The following ARID1B variants were observed in gnomAD, a reference collection of about 807,000 sequenced individuals.
ARID1B encodes the protein AT-rich interaction domain 1B.
ARID1B carries 30 observed loss-of-function variants against 212.3 expected under a neutral mutation model. The ratio of observed to expected loss-of-function variants is 0.14; its 90% CI spans 0.11 to 0.19. The LOEUF (loss-of-function observed/expected upper bound fraction) is 0.19, where lower values mean the gene tolerates loss of function less well. Ranked by LOEUF, ARID1B falls within the 10% of genes least tolerant of loss-of-function variation. The pLI is 1.00. For missense variants in ARID1B, 2,891 were observed against 3,204.0 expected, an observed-to-expected ratio of 0.90 and a Z score of 2.36; for synonymous variants, 1,402 against 1,301.7, an observed-to-expected ratio of 1.08 and a Z score of -1.66.
At chr6:156,783,003 CT>C (rs947145220) in intron 1 of ARID1B, among the ~76,000 whole-genome samples, 8 of 151,402 alleles carry the variant, frequency 5.3e-5, no homozygotes, top group Admixed American at 2.6e-4. Flanking sequence ...GGTAGCCACT[CT>C]TTAAGACAGC....
intron 12 of ARID1B, among the ~76,000 whole-genome samples, chr6:157,183,567 G>A (rs965402970): frequency 2.2e-4 from 34 of 152,142 alleles, no homozygotes; most frequent in Admixed American, 1.8e-3. Context: ...GGATCTTGAC[G>A]TCACATTTCA....
At chr6:157,091,244 C>G (rs1583290998) in intron 5 of ARID1B, among the ~76,000 whole-genome samples, 1 of 152,204 alleles carries the variant, frequency 6.6e-6, no homozygotes, top group East Asian at 1.9e-4. Flanking sequence ...GAATCTGTGC[C>G]CCTCAGGAAA....
intron 2 of ARID1B, among the ~76,000 whole-genome samples, chr6:156,858,159 T>C (rs578118844): frequency 6.7e-6 from 1 of 149,784 alleles, no homozygotes; most frequent in South Asian, 2.1e-4. Context: ...CCCTCATAGA[T>C]GGGAGCTAAA....
chr6:157,029,899 G>C (rs1780918651), intron 4 of ARID1B, among the ~76,000 whole-genome samples: 1 of 152,210 alleles, frequency 6.6e-6, no homozygotes. Flanking sequence ...GGAGATGAAA[G>C]AAGCAATTGG....
At chr6:156,792,328 C>A (rs1467417444) in intron 1 of ARID1B, among the ~76,000 whole-genome samples, 2 of 152,136 alleles carry the variant, frequency 1.3e-5, no homozygotes, top group African/African-American at 4.8e-5. Context: ...CAAGGCCGGA[C>A]CCAGTGGTTC....
intron 4 of ARID1B, among the ~76,000 whole-genome samples, chr6:156,946,293 A>C (rs1562502788): frequency 6.6e-6 from 1 of 151,806 alleles, no homozygotes; most frequent in East Asian, 1.9e-4. Context: ...AATTGCTTGA[A>C]CCTGGGAGGT....
At position 157,058,154 on chromosome 6, in the gene ARID1B, C is replaced by T. The variant is rs1367518684; in HGVS notation, c.2248-26508C>T. 2.6e-5 allele frequency among the ~76,000 whole-genome samples: 4 copies of T among 152,214 alleles called. No individual in the cohort carries two copies. In the East Asian group the frequency reaches 7.7e-4, roughly 29 times the overall value. Reference sequence around the variant, plus strand: ...GGCTTGTCTGCTACCACCCTCACTTCACCTCCAGTAGGGCCACGAAGTTCA... The same window carrying T: ...GGCTTGTCTGCTACCACCCTCACTTTACCTCCAGTAGGGCCACGAAGTTCA... On this transcript the variant is annotated intron_variant, in intron 4 of 19. Coordinates refer to ENST00000636930, the MANE Select transcript of ARID1B (RefSeq NM_001374828.1).
In ARID1B at chr6:156,853,289, T is replaced by G. The variant is rs114956035; in HGVS notation, c.1986+23868T>G. On this transcript the variant is annotated intron_variant, in intron 2 of 19. Transcript: ENST00000636930. Reference sequence around the variant, plus strand: ...GAATTTGAAATATTTGGATATATTCTTTAAAACAATCTTATTGTGTGTTTT... The same window carrying G: ...GAATTTGAAATATTTGGATATATTCGTTAAAACAATCTTATTGTGTGTTTT... Among the ~76,000 whole-genome samples, 495 of 152,364 alleles carry G rather than the reference T, an allele frequency of 3.2e-3. 2 individuals are homozygous for G. The highest frequency in any genetic ancestry group is 0.011 in the African/African-American group (471 of 41,582).
chr6:156,820,162 T>C (rs937288190), intron 1 of ARID1B, among the ~76,000 whole-genome samples: 1 of 152,040 alleles, frequency 6.6e-6, no homozygotes, highest in African/African-American at 2.4e-5. Context: ...AAGCAGCATT[T>C]GGGAGACAGA....
rs1317752163 is a variant in ARID1B, at chr6:157,108,218, G to C, written c.2492-2254G>C. On this transcript the variant is annotated intron_variant, in intron 5 of 19. Coordinates refer to ENST00000636930, the MANE Select transcript of ARID1B (RefSeq NM_001374828.1). The stretch of plus-strand genomic sequence containing the variant: ...GTGAATATTCTCATTGCTTTAAAGA[G>C]ACATCTGTCTTAGAATTGTGCCACA... Among the ~76,000 whole-genome samples the C allele has an allele frequency of 2.0e-5, 3 of 152,228 alleles. No individual in the cohort carries two copies. In the East Asian group the frequency reaches 5.8e-4, roughly 29 times the overall value.
At chr6:157,197,373 A>G (rs1562342096) in intron 16 of ARID1B, among the ~76,000 whole-genome samples, 1 of 152,206 alleles carries the variant, frequency 6.6e-6, no homozygotes, top group Non-Finnish European at 1.5e-5. Context: ...TCATCAGCCC[A>G]CATGCTGGGG....
intron 3 of ARID1B, among the ~76,000 whole-genome samples, chr6:156,923,300 T>C (rs917163015): frequency 1.3e-5 from 2 of 152,150 alleles, no homozygotes; most frequent in Admixed American, 6.5e-5. Context: ...TAATCAACAG[T>C]CCTCGAAATT....
chr6:156,798,634 T>C (rs886242056), intron 1 of ARID1B, among the ~76,000 whole-genome samples: 1 of 152,254 alleles, frequency 6.6e-6, no homozygotes. Context: ...TTTTGTAATA[T>C]ATTGAACTAC....
intron 1 of ARID1B, among the ~76,000 whole-genome samples, chr6:156,810,807 G>T (rs909663240): frequency 1.3e-5 from 2 of 152,210 alleles, no homozygotes; most frequent in East Asian, 3.8e-4. Context: ...AGGGGCAAGA[G>T]TGAGGAAGAG....
At position 156,829,210 on chromosome 6, in the gene ARID1B, C is replaced by A; in HGVS notation, c.1792-17C>A. The A allele has an allele frequency of 6.3e-7, 1 of 1,589,940 alleles. No individual in the cohort carries two copies. The highest frequency in any genetic ancestry group is 8.6e-7 in the Non-Finnish European group (1 of 1,165,364). ...AAAGAATGAATTAATAAACCGACTT[C>A]TTTTATGTCTTCACAGGGCAGCCCA... On this transcript the variant is annotated splice_polypyrimidine_tract_variant and intron_variant, in intron 1 of 19. Coordinates refer to ENST00000636930, the MANE Select transcript of ARID1B (RefSeq NM_001374828.1).
chr6:156,910,494 G>T (rs574983481), intron 3 of ARID1B, among the ~76,000 whole-genome samples: 6 of 152,124 alleles, frequency 3.9e-5, no homozygotes, highest in African/African-American at 1.4e-4. Context: ...CCCTGTTCTC[G>T]AATAGTTGTC....
chr6:157,209,840 TA>T lies in ARID1B; in HGVS notation c.*1951del, dbSNP rs911113161. ...GTAGCTTTTTAATACTAGTCACTTC[TA>T]ATTTAAACTTTCTCTTCCTGGGTCA... On this transcript the variant is annotated 3_prime_UTR_variant, in exon 20 of 20. Coordinates refer to ENST00000636930, the MANE Select transcript of ARID1B (RefSeq NM_001374828.1). 4.3e-6 allele frequency: 1 copy of T among 233,176 alleles called. No individual in the cohort carries two copies. The highest frequency in any genetic ancestry group is 2.2e-5 in the African/African-American group (1 of 45,358). 14.4% of individuals were successfully genotyped at this position (233,176 alleles called of 1,614,324 possible).
rs146520023 is a variant in ARID1B, at chr6:157,144,154, G to T, written c.2762-4470G>T. Among the ~76,000 whole-genome samples the T allele has an allele frequency of 6.3e-3, 953 of 152,292 alleles. 11 individuals carry two copies. Among genetic ancestry groups the T allele is most frequent in the African/African-American group, 0.022 (913 of 41,562 alleles). On this transcript the variant is annotated intron_variant, in intron 7 of 19. Transcript: ENST00000636930. ...GGGTACAGAGTAACTTAACATCTCA[G>T]TAGTTTCTTTCCTTTGTGTTCATTA...
intron 5 of ARID1B, among the ~76,000 whole-genome samples, chr6:157,106,215 C>T (rs898484804): frequency 2.6e-5 from 4 of 151,960 alleles, no homozygotes; most frequent in Admixed American, 1.3e-4. Flanking sequence ...TCCAGGACAG[C>T]GTGAAAAAAA....
Sources: allele counts gnomAD v4.1 joint callset (sites outside exome capture counted in the v4.1 genomes callset), GRCh38; gene constraint gnomAD v4.1.1; transcripts MANE v1.5; gene names NCBI Gene and HGNC (gene_info 2026-07-23, HGNC 2026-07-21).